Variants in ZNF341 observed in about 807,000 individuals in gnomAD.
ZNF341 encodes the protein zinc finger protein 341.
In ZNF341, 52 loss-of-function variants were observed where a neutral mutation model predicts 87.7. That is an observed-to-expected ratio of 0.59 (90% CI 0.47 to 0.75). The LOEUF is 0.75. ZNF341 is among the 30% of genes least tolerant of loss of function. The pLI is 0.00. For missense variants in ZNF341, 977 were observed against 1,145.9 expected, an observed-to-expected ratio of 0.85 and a Z score of 2.13; for synonymous variants, 459 against 472.7, an observed-to-expected ratio of 0.97 and a Z score of 0.38.
At chr20:33,787,075 T>C (rs980704946) in intron 12 of ZNF341, 1 of 152,008 alleles carries the variant, frequency 6.6e-6, no homozygotes, top group Admixed American at 6.6e-5. Context: ...GTACATAAAG[T>C]AAAATGTTAA....
chr20:33,765,333 C>T (rs1255184303), intron 8 of ZNF341, among the ~76,000 whole-genome samples: 1 of 151,932 alleles, frequency 6.6e-6, no homozygotes, highest in African/African-American at 2.4e-5. Context: ...GGAACTAGCC[C>T]TACTGTGTGC....
At chr20:33,772,400 T>G (rs1322940658) in intron 10 of ZNF341, among the ~76,000 whole-genome samples, 1 of 152,200 alleles carries the variant, frequency 6.6e-6, no homozygotes, top group Non-Finnish European at 1.5e-5. Flanking sequence ...TTTCTGTTAA[T>G]GAGGCCCCTG....
At chr20:33,749,412 C>T (rs890483758) in intron 4 of ZNF341, among the ~76,000 whole-genome samples, 6 of 152,136 alleles carry the variant, frequency 3.9e-5, no homozygotes, top group Admixed American at 2.6e-4. Flanking sequence ...TCTGCCTCAG[C>T]CTCCTGAGTA....
intron 1 of ZNF341, among the ~76,000 whole-genome samples, chr20:33,735,228 A>G (rs552597629): frequency 9.2e-5 from 14 of 152,156 alleles, no homozygotes; most frequent in African/African-American, 3.1e-4. Flanking sequence ...ACGGGGTTTC[A>G]CCATGTTGGC....
chr20:33,769,908 C>T (rs1321830192), intron 9 of ZNF341, among the ~76,000 whole-genome samples, 176 bp from the exon 10 acceptor site: 1 of 152,112 alleles, frequency 6.6e-6, no homozygotes, highest in Non-Finnish European at 1.5e-5. Context: ...GCGACTCAGT[C>T]TCAAAAATGA....
chr20:33,766,722 A>T, intron 8 of ZNF341, 129 bp from the exon 9 acceptor site: 3 of 956,606 alleles, frequency 3.1e-6, no homozygotes, highest in Non-Finnish European at 4.7e-6. Context: ...GCAGCACCTT[A>T]AGCACAGAGT....
chr20:33,758,151 GAATAAATA>G, intron 6 of ZNF341, among the ~76,000 whole-genome samples: 1 of 152,242 alleles, frequency 6.6e-6, no homozygotes, highest in African/African-American at 2.4e-5. Flanking sequence ...GACAGACAGG[GAATAAATA>G]AATAAATATT....
At chr20:33,774,956 A>G (rs1376599387) in intron 10 of ZNF341, among the ~76,000 whole-genome samples, 1 of 152,140 alleles carries the variant, frequency 6.6e-6, no homozygotes, top group African/African-American at 2.4e-5. Flanking sequence ...TCGGGGAAAA[A>G]CAAAAACATC....
Position 33,791,444 on chromosome 20 carries a change from C to T in ZNF341, c.2492C>T (p.Ala831Val), listed in dbSNP as rs764682191. Residue 831 changes from alanine (A) to valine (V), a missense_variant, in exon 15 of 15, where the codon GCG (alanine) becomes GTG (valine). Physicochemically the swap from Ala to Val is moderately conservative, Grantham distance 64 (BLOSUM62 0). Transcript: ENST00000375200. The part of the protein sequence containing the change: ...AEGLGSNLAL[A>V]ELQAGAEGPC... Reference sequence around the variant, plus strand: ...GGGCTGGGCTCCAACCTGGCTCTGGCGGAGCTGCAGGCTGGGGCCGAGGGC... The same window carrying T: ...GGGCTGGGCTCCAACCTGGCTCTGGTGGAGCTGCAGGCTGGGGCCGAGGGC... 22 of 1,609,048 alleles carry T rather than the reference C, an allele frequency of 1.4e-5. No homozygotes were observed. The highest frequency in any genetic ancestry group is 1.1e-4 in the East Asian group (5 of 44,852).
chr20:33,744,965 C>T lies in ZNF341; in HGVS notation c.143-138C>T, dbSNP rs1171980131. ...CACCTGCATGTCAAGTCGCAGCATG[C>T]CCCCCAGATTGCTGCTTGTGGTCAG... On this transcript the variant is annotated intron_variant, in intron 2 of 14. Transcript: ENST00000375200. 7 of 723,894 alleles carry T rather than the reference C, an allele frequency of 9.7e-6. No homozygotes were observed. The East Asian group carries it at 1.6e-4, about 16-fold the overall frequency. 44.8% of individuals were successfully genotyped at this position (723,894 alleles called of 1,614,324 possible).
intron 9 of ZNF341, 118 bp from the exon 10 acceptor site, chr20:33,769,965 CA>C: frequency 1.5e-6 from 1 of 660,170 alleles, no homozygotes; most frequent in Non-Finnish European, 2.7e-6. Context: ...AGCAGGGGGG[CA>C]GAGGGAGCAG....
intron 7 of ZNF341, among the ~76,000 whole-genome samples, chr20:33,759,219 G>A (rs1026505874): frequency 4.6e-5 from 7 of 152,200 alleles, no homozygotes; most frequent in African/African-American, 1.7e-4. Flanking sequence ...CTGGGCCTTG[G>A]TTTTTCCATC....
At chr20:33,776,961 G>C (rs1414188860) in intron 10 of ZNF341, among the ~76,000 whole-genome samples, 1 of 151,946 alleles carries the variant, frequency 6.6e-6, no homozygotes, top group Non-Finnish European at 1.5e-5. Flanking sequence ...CACCTGGCCT[G>C]TATTTCCTAA....
At chr20:33,735,847 CTTGATG>C (rs1485219819) in intron 1 of ZNF341, among the ~76,000 whole-genome samples, 2 of 152,012 alleles carry the variant, frequency 1.3e-5, no homozygotes, top group Non-Finnish European at 2.9e-5. Context: ...TCCCACCATC[CTTGATG>C]CCTGGCAACC....
Position 33,740,856 on chromosome 20 carries a change from A to G in ZNF341, c.32-46A>G, listed in dbSNP as rs766536745. 83 of 1,574,030 alleles carry G rather than the reference A, an allele frequency of 5.3e-5. No homozygotes were observed. The Middle Eastern group carries it at 1.5e-3, about 29-fold the overall frequency. On this transcript the variant is annotated intron_variant, in intron 1 of 14. Transcript: ENST00000375200. The stretch of plus-strand genomic sequence containing the variant: ...TGGCTTGTAAGGGTGATGTCAGAGC[A>G]TGATGCTGGGCCTACCTTCCAAAGA...
intron 12 of ZNF341, chr20:33,788,447 A>T: frequency 4.9e-6 from 1 of 206,044 alleles, no homozygotes; most frequent in Non-Finnish European, 1.0e-5. Context: ...AATAAAAGCC[A>T]AGTCCTTAGC....
chr20:33,777,322 CAAAAAAAA>C (rs71192713), intron 10 of ZNF341, among the ~76,000 whole-genome samples: 1 of 32,642 alleles, frequency 3.1e-5, no homozygotes, highest in South Asian at 1.3e-3. Flanking sequence ...GACCCTATCT[CAAAAAAAA>C]AAAAAAAAAA....
rs1318019283 is a variant in ZNF341 at position 33,791,167 on chromosome 20, A to G, written c.2215A>G (p.Lys739Glu). Residue 739 changes from lysine (K) to glutamate (E), a missense_variant, in exon 15 of 15, where the codon AAG (lysine) becomes GAG (glutamate). Physicochemically the swap from Lys to Glu is moderately conservative, Grantham distance 56. Transcript: ENST00000375200. ...CTGTCGTCTCGGCCCCCAAAAGGAC[A>G]AGGACCTGCAAACCCGGCGGCCCCC... ...HRCRLGPQKD[K>E]DLQTRRPPQR... The G allele has an allele frequency of 6.2e-7, 1 of 1,613,186 alleles. No individual in the cohort carries two copies. The highest frequency in any genetic ancestry group is 1.7e-5 in the Admixed American group (1 of 60,028).
In ZNF341 at chr20:33,781,304, G is replaced by A; in HGVS notation, c.1636G>A (p.Val546Ile). ...DNAVYKCVKC[V>I]NKYSTPEALE... ...CCTTCCACTTAGGTGTGTCAAATGT[G>A]TCAACAAATACTCCACCCCTGAGGC... is the stretch of plus-strand genomic sequence containing the variant. The change falls in exon 11 of 15, where the codon GTC (valine) becomes ATC (isoleucine). Residue 546 changes from valine to isoleucine, a missense_variant. By Grantham distance (29) the Val-to-Ile change is conservative. This residue lies in a region of ZNF341 where 241 missense variants were observed against 335.0 expected (regional missense o/e 0.72). Coordinates refer to ENST00000375200, the MANE Select transcript of ZNF341 (RefSeq NM_001282933.2). 1.2e-6 allele frequency: 2 copies of A among 1,613,976 alleles called. No individual in the cohort carries two copies. Among genetic ancestry groups the A allele is most frequent in the East Asian group, 2.2e-5 (1 of 44,880 alleles).
Sources: allele counts gnomAD v4.1 joint callset (sites outside exome capture counted in the v4.1 genomes callset), GRCh38; gene constraint gnomAD v4.1.1; regional missense constraint gnomAD v4.1.1; transcripts MANE v1.5; gene names NCBI Gene and HGNC (gene_info 2026-07-23, HGNC 2026-07-21).